Variants in DYSF observed in about 807,000 individuals in gnomAD.
DYSF encodes the protein dysferlin.
DYSF carries 212 observed loss-of-function variants against 274.9 expected under a neutral mutation model. The ratio of observed to expected loss-of-function variants is 0.77; its 90% CI spans 0.69 to 0.86. The LOEUF (loss-of-function observed/expected upper bound fraction) is 0.86. DYSF is among the 40% of genes least tolerant of loss of function. The pLI, the probability that DYSF is intolerant of heterozygous loss-of-function variation, is 0.00. For missense variants in DYSF, 2,666 were observed against 2,783.2 expected (o/e 0.96, Z 0.95); for synonymous variants, 1,091 against 1,078.7 (o/e 1.01, Z -0.22).
intron 17 of DYSF, among the ~76,000 whole-genome samples, chr2:71,548,819 C>T (rs1243616696): frequency 5.9e-5 from 9 of 152,100 alleles, no homozygotes; most frequent in African/African-American, 2.4e-5. Context: ...ATCCTGGACA[C>T]GGCCACTAGG....
chr2:71,596,017 T>A (rs2093396808), intron 32 of DYSF, among the ~76,000 whole-genome samples: 1 of 151,582 alleles, frequency 6.6e-6, no homozygotes, highest in Non-Finnish European at 1.5e-5. Flanking sequence ...TTTTTTTTTT[T>A]TTGAGGAGTG....
At chr2:71,545,807 C>T (rs1359678004) in intron 17 of DYSF, among the ~76,000 whole-genome samples, 2 of 152,124 alleles carry the variant, frequency 1.3e-5, no homozygotes, top group African/African-American at 4.8e-5. Context: ...TGTGAGCCCT[C>T]ACCTTTCTCT....
chr2:71,506,523 G>C (rs920242910), intron 4 of DYSF, among the ~76,000 whole-genome samples: 1 of 152,134 alleles, frequency 6.6e-6, no homozygotes, highest in African/African-American at 2.4e-5. Flanking sequence ...TGTCAGGCGC[G>C]GGACCCGTGA....
At position 71,520,883 on chromosome 2, in the gene DYSF, G is replaced by C. The variant is rs755263065; in HGVS notation, c.1128G>C (p.Leu376=). The C allele has an allele frequency of 2.5e-6, 4 of 1,613,994 alleles. No individual in the cohort carries two copies. Among genetic ancestry groups the C allele is most frequent in the Non-Finnish European group, 3.4e-6 (4 of 1,180,010 alleles). ...ACCTGAAAACAAGCCTTTGTGTGCT[G>C]GGGCCTGGGGACGAAGCGCCTGTGA... ...RGYLKTSLCV[L]GPGDEAPLER... Residue 376 remains leucine (L), a synonymous_variant, in exon 12 of 56, where the codon CTG becomes CTC. Transcript: ENST00000410020.
chr2:71,657,820 A>G (rs1209770252), intron 43 of DYSF, among the ~76,000 whole-genome samples: 1 of 152,056 alleles, frequency 6.6e-6, no homozygotes, highest in Non-Finnish European at 1.5e-5. Context: ...CCGGCCCACA[A>G]AACCACTTTT....
chr2:71,570,615 C>T lies in DYSF; in HGVS notation c.3102C>T (p.Ile1034=), dbSNP rs768787171. The T allele has an allele frequency of 6.2e-7, 1 of 1,613,974 alleles. No individual in the cohort carries two copies. The highest frequency in any genetic ancestry group is 8.5e-7 in the Non-Finnish European group (1 of 1,179,938). Residue 1034 remains isoleucine (I), a synonymous_variant, in exon 29 of 56, where the codon ATC becomes ATT. Coordinates refer to ENST00000410020, the MANE Select transcript of DYSF (RefSeq NM_001130987.2). Reference sequence around the variant, plus strand: ...CTCCCCCAGGCTGGGAGTATAGCATCACCATCCCCCCGGAGCGGAAGCCGA... The same window carrying T: ...CTCCCCCAGGCTGGGAGTATAGCATTACCATCCCCCCGGAGCGGAAGCCGA... The part of the protein sequence containing the change: ...AVDEQGWEYS[I]TIPPERKPKH...
Position 71,637,689 on chromosome 2 carries a change from T to G in DYSF, c.4528-6276T>G, listed in dbSNP as rs115637910. Among the ~76,000 whole-genome samples the G allele has an allele frequency of 8.6e-3, 1,313 of 152,220 alleles. 10 individuals are homozygous for G. The highest frequency in any genetic ancestry group is 0.023 in the South Asian group (110 of 4,810). ...GATGTGAAGTGGAGAAGAGCTGGAT[T>G]TAACCCCAGGTGGCACTGGCCAGAA... On this transcript the variant is annotated intron_variant, in intron 41 of 55. Transcript: ENST00000410020.
intron 32 of DYSF, among the ~76,000 whole-genome samples, chr2:71,597,378 G>A (rs2093430181): frequency 6.6e-6 from 1 of 152,190 alleles, no homozygotes; most frequent in Non-Finnish European, 1.5e-5. Flanking sequence ...AAGCTGAAGG[G>A]AGTCCCCTTC....
chr2:71,463,189 G>A (rs1157798105), upstream of DYSF, among the ~76,000 whole-genome samples: 1 of 152,244 alleles, frequency 6.6e-6, no homozygotes, highest in Non-Finnish European at 1.5e-5. Context: ...AGTGCTCAAA[G>A]TCTGGAGGGG....
intron 50 of DYSF, 38 bp downstream of exon 50, chr2:71,669,245 G>T (rs370488656): frequency 6.6e-7 from 1 of 1,520,592 alleles, no homozygotes; most frequent in East Asian, 2.3e-5. Flanking sequence ...CCAGCTTCCC[G>T]CAGCTCCCGT....
At chr2:71,601,197 A>G (rs890424984) in intron 34 of DYSF, 11 of 592,004 alleles carry the variant, frequency 1.9e-5, no homozygotes, top group African/African-American at 1.5e-4. Flanking sequence ...ACCTAGCCTC[A>G]TGGCCCTGGG....
intron 4 of DYSF, among the ~76,000 whole-genome samples, 177 bp from the exon 5 acceptor site, chr2:71,511,630 A>G (rs1334779851): frequency 6.6e-6 from 1 of 152,170 alleles, no homozygotes; most frequent in African/African-American, 2.4e-5. Context: ...CTGTGCTTCG[A>G]ACCACCTGAC....
chr2:71,618,035 AGAT>A (rs1414713344), intron 40 of DYSF, among the ~76,000 whole-genome samples: 16 of 65,294 alleles, frequency 2.5e-4, no homozygotes, highest in African/African-American at 2.3e-4. Flanking sequence ...TGTGTGGTAG[AGAT>A]GGTGTGTGTG....
At chr2:71,519,805 C>T (rs1025999063) in intron 10 of DYSF, among the ~76,000 whole-genome samples, 5 of 146,796 alleles carry the variant, frequency 3.4e-5, no homozygotes, top group Non-Finnish European at 6.0e-5. Flanking sequence ...CCACCACACC[C>T]GGCTAGTTTT....
At chr2:71,601,259 C>G (rs1197761723) in intron 34 of DYSF, 2 of 630,756 alleles carry the variant, frequency 3.2e-6, no homozygotes, top group Non-Finnish European at 5.6e-6. Context: ...CCTGTACCTT[C>G]AAACTTCCTC....
intron 14 of DYSF, among the ~76,000 whole-genome samples, chr2:71,531,909 T>C (rs1165110295): frequency 6.6e-6 from 1 of 152,190 alleles, no homozygotes; most frequent in East Asian, 1.9e-4. Context: ...AGGTTACGTA[T>C]TGATCAGTTG....
chr2:71,512,512 G>A (rs1217122036), intron 5 of DYSF, among the ~76,000 whole-genome samples: 1 of 152,206 alleles, frequency 6.6e-6, no homozygotes, highest in East Asian at 1.9e-4. Context: ...GCTAAGTGCT[G>A]TGCCTGTCTC....
rs1573671276 is a variant in DYSF at position 71,517,035 on chromosome 2, TC to T, written c.1000del (p.Arg334GlyfsTer36). 6.2e-7 allele frequency: 1 copy of T among 1,614,100 alleles called. No individual in the cohort carries two copies. Among genetic ancestry groups the T allele is most frequent in the Admixed American group, 1.7e-5 (1 of 60,030 alleles). On this transcript the variant is annotated frameshift_variant, in exon 10 of 56. Coordinates refer to ENST00000410020, the MANE Select transcript of DYSF (RefSeq NM_001130987.2). LOFTEE classifies it high-confidence loss of function. ...SLRTDALLGE[F>X]RMDVGTIYRE... is the part of the protein sequence containing the mutation. ...AGGACAGATGCTCTCCTCGGGGAGT[TC>T]CGGGTAATTGCTTATTTTCTATGAA...
rs200942650 is a variant in DYSF, at chr2:71,600,729, A to C, written c.3784A>C (p.Ile1262Leu). ...TGCAGACGAGTTTATGGGTCGCTGC[A>C]TCTGTCAACCGAGTCTGGAACGGAT... ...YGADEFMGRC[I>L]CQPSLERMPR... Residue 1262 changes from isoleucine (I) to leucine (L), a missense_variant, in exon 34 of 56, where the codon ATC (isoleucine) becomes CTC (leucine). Around this residue, in one of 3 missense-constraint regions of DYSF, gnomAD observed 1,460 missense variants for 1,502.1 expected, o/e 0.97. Transcript: ENST00000410020. The C allele has an allele frequency of 1.2e-6, 2 of 1,613,990 alleles. No homozygotes were observed. The highest frequency in any genetic ancestry group is 8.5e-7 in the Non-Finnish European group (1 of 1,180,042).
Sources: gnomAD v4.1 joint callset for allele counts (sites outside exome capture counted in the v4.1 genomes callset) on GRCh38, gnomAD v4.1.1 for gene constraint, gnomAD v4.1.1 regional missense constraint, MANE v1.5 for transcripts, NCBI Gene and HGNC (gene_info 2026-07-23, HGNC 2026-07-21) for gene names.